ALS2CL: variants seen among roughly 807,000 people sequenced by gnomAD.
ALS2CL encodes ALS2 C-terminal like, also known as ALS2 C-terminal-like protein.
In ALS2CL, 112 loss-of-function variants were observed where a neutral mutation model predicts 127.9. The ratio of observed to expected loss-of-function variants is 0.88; its 90% CI spans 0.75 to 1.02. ALS2CL has a LOEUF of 1.02. Among genes scored for constraint, ALS2CL ranks in the 50% least tolerant of loss-of-function variants. ALS2CL has a pLI of 0.00. For missense variants in ALS2CL, 1,174 were observed against 1,236.7 expected (o/e 0.95, Z 0.76); for synonymous variants, 519 against 527.6 (o/e 0.98, Z 0.22).
In ALS2CL at chr3:46,671,992, C is replaced by T; in HGVS notation, c.2576G>A (p.Arg859Lys). The change falls in exon 24 of 26, where the codon AGG (arginine) becomes AAG (lysine). Residue 859 changes from arginine to lysine, a missense_variant. Coordinates refer to ENST00000318962, the MANE Select transcript of ALS2CL (RefSeq NM_147129.5). ...CGTGCCCTCAATTTCCCCGTATGTCCTCTCCAGCACCTCCAGCTTCTCCCG... is the reference window on the plus strand; with the variant it reads ...CGTGCCCTCAATTTCCCCGTATGTCTTCTCCAGCACCTCCAGCTTCTCCCG... ...DPREKLEVLERTYGEIEGTVS... is the reference protein window; with the variant it reads ...DPREKLEVLEKTYGEIEGTVS... The T allele has an allele frequency of 6.2e-7, 1 of 1,614,078 alleles. No homozygotes were observed. The highest frequency in any genetic ancestry group is 8.5e-7 in the Non-Finnish European group (1 of 1,180,032).
In ALS2CL at chr3:46,684,161, C is replaced by A; in HGVS notation, c.787-114G>T. Reference sequence around the variant, plus strand: ...GTGTGGCCACCAAGGCTATTCTGCCCAGCATGTCCAGGACTGAGTCCCTCT... The same window carrying A: ...GTGTGGCCACCAAGGCTATTCTGCCAAGCATGTCCAGGACTGAGTCCCTCT... On this transcript the variant is annotated intron_variant, in intron 7 of 25. Coordinates refer to ENST00000318962, the MANE Select transcript of ALS2CL (RefSeq NM_147129.5). 3.3e-6 allele frequency: 4 copies of A among 1,229,518 alleles called. No individual in the cohort carries two copies. The South Asian group carries it at 5.2e-5, about 16-fold the overall frequency. The allele number at this position is 1,229,518 out of a possible 1,614,324, so 76.2% of individuals were successfully genotyped here.
intron 19 of ALS2CL, 131 bp from the exon 20 acceptor site, chr3:46,675,817 C>A: frequency 1.3e-6 from 2 of 1,511,542 alleles, no homozygotes; most frequent in Non-Finnish European, 1.8e-6. Context: ...TTCATCCTCT[C>A]AAACCACAGA....
intron 1 of ALS2CL, among the ~76,000 whole-genome samples, chr3:46,690,547 G>C (rs540961959): frequency 2.0e-5 from 3 of 152,286 alleles, no homozygotes; most frequent in South Asian, 4.1e-4. Context: ...CAGGCTACAG[G>C]CTCTACTCCA....
chr3:46,687,550 T>C, intron 4 of ALS2CL, 69 bp downstream of exon 4: 2 of 1,557,408 alleles, frequency 1.3e-6, no homozygotes, highest in Non-Finnish European at 1.8e-6. Context: ...GGGAGGGGGC[T>C]TCCCCGACCC....
chr3:46,679,355 G>A, intron 14 of ALS2CL, 68 bp from the exon 15 acceptor site: 16 of 1,354,780 alleles, frequency 1.2e-5, no homozygotes, highest in South Asian at 2.5e-5. Context: ...TCAGGGTGGA[G>A]AGAGATGGCC....
rs553185666 is a variant in ALS2CL at position 46,679,338 on chromosome 3, A to G, written c.1549-51T>C. Reference sequence around the variant, plus strand: ...TAGAAAGGGTGGGTGAGGAAGGGCCAGGAAACTCAGGGTGGAGAGAGATGG... The same window carrying G: ...TAGAAAGGGTGGGTGAGGAAGGGCCGGGAAACTCAGGGTGGAGAGAGATGG... On this transcript the variant is annotated intron_variant, in intron 14 of 25. Transcript: ENST00000318962. 1.7e-5 allele frequency: 25 copies of G among 1,456,960 alleles called. No homozygotes were observed. The African/African-American group carries it at 3.4e-4, about 20-fold the overall frequency. 90.3% of individuals were successfully genotyped at this position (1,456,960 alleles called of 1,614,324 possible).
Position 46,683,863 on chromosome 3 carries a change from G to A in ALS2CL, c.846-15C>T, listed in dbSNP as rs1245240122. The A allele has an allele frequency of 6.2e-7, 1 of 1,614,156 alleles. No homozygotes were observed. The highest frequency in any genetic ancestry group is 1.7e-5 in the Admixed American group (1 of 60,028). ...GAAACGTGCACCTAGACAGACGGAGGTGATGAGTAGGCCCCAGCTTTGTCC... is the reference window on the plus strand; with the variant it reads ...GAAACGTGCACCTAGACAGACGGAGATGATGAGTAGGCCCCAGCTTTGTCC... On this transcript the variant is annotated splice_polypyrimidine_tract_variant and intron_variant, in intron 8 of 25. Coordinates refer to ENST00000318962, the MANE Select transcript of ALS2CL (RefSeq NM_147129.5).
intron 14 of ALS2CL, chr3:46,679,826 C>T (rs1490366888): frequency 6.4e-6 from 1 of 155,422 alleles, no homozygotes; most frequent in African/African-American, 2.4e-5. Flanking sequence ...ACCATAATAA[C>T]AGGAACAGCC....
In ALS2CL at chr3:46,688,156, C is replaced by T; in HGVS notation, c.244G>A (p.Gly82Ser). Residue 82 changes from glycine to serine, a missense_variant, in exon 3 of 26, where the codon GGT becomes AGT. By Grantham distance (56) the Gly-to-Ser change is moderately conservative. Coordinates refer to ENST00000318962, the MANE Select transcript of ALS2CL (RefSeq NM_147129.5). ...QERLRYPDST[G>S]LESLLLLRGA... ...CGCAGCAGCAGCAGGGACTCCAGAC[C>T]GGTGGAGTCCGGGTAACGCAGCCTC... is the stretch of plus-strand genomic sequence containing the variant. The T allele has an allele frequency of 3.7e-6, 6 of 1,613,082 alleles. No homozygotes were observed. Among genetic ancestry groups the T allele is most frequent in the South Asian group, 1.1e-5 (1 of 91,080 alleles).
intron 22 of ALS2CL, among the ~76,000 whole-genome samples, chr3:46,672,519 C>T (rs1240475789): frequency 6.6e-6 from 1 of 152,204 alleles, no homozygotes; most frequent in East Asian, 1.9e-4. Flanking sequence ...TTCTCAAACC[C>T]AAGGGCTTAG....
chr3:46,674,396 C>G (rs1463095154), intron 21 of ALS2CL, among the ~76,000 whole-genome samples, 170 bp downstream of exon 21: 1 of 152,184 alleles, frequency 6.6e-6, no homozygotes, highest in Non-Finnish European at 1.5e-5. Context: ...ATGGAAGGTG[C>G]TTCCCTCTGT....
Position 46,676,636 on chromosome 3 carries a change from T to C in ALS2CL, c.2028+6A>G, listed in dbSNP as rs748339464. 5.0e-5 allele frequency: 81 copies of C among 1,611,520 alleles called. No homozygotes were observed. The South Asian group carries it at 8.6e-4, about 17-fold the overall frequency. On this transcript the variant is annotated splice_donor_region_variant and intron_variant, in intron 18 of 25. Transcript: ENST00000318962. ...ACCCCCTTGGCCACCCCAGCAGGGCTCTCACCTTCCTGAGGTACAGCTGCA... is the reference window on the plus strand; with the variant it reads ...ACCCCCTTGGCCACCCCAGCAGGGCCCTCACCTTCCTGAGGTACAGCTGCA...
At chr3:46,671,694 G>A (rs2106679928) in intron 24 of ALS2CL, 110 bp from the exon 25 acceptor site, 2 of 1,573,418 alleles carry the variant, frequency 1.3e-6, no homozygotes, top group East Asian at 2.3e-5. Context: ...CACCTGGGGT[G>A]TGGTCCTCAC....
rs776992750 is a variant in ALS2CL, at chr3:46,671,519, C to T, written c.2750G>A (p.Gly917Asp). ...RDMMDPNHTG[G>D]LYDFLLTALE... is the part of the protein sequence containing the mutation. ...GGCTGTGAGCAGGAAGTCATACAGG[C>T]CTCCTGTGTGGTTGGGGTCCATCAT... The change falls in exon 25 of 26, where the codon GGC becomes GAC. Residue 917 changes from glycine (G) to aspartate (D), a missense_variant. Coordinates refer to ENST00000318962, the MANE Select transcript of ALS2CL (RefSeq NM_147129.5). 3 of 1,614,056 alleles carry T rather than the reference C, an allele frequency of 1.9e-6. No individual in the cohort carries two copies. Among genetic ancestry groups the T allele is most frequent in the Non-Finnish European group, 2.5e-6 (3 of 1,179,988 alleles).
At position 46,671,500 on chromosome 3, in the gene ALS2CL, G is replaced by A; in HGVS notation, c.2769C>T (p.Leu923=). The part of the protein sequence containing the change: ...NHTGGLYDFL[L]TALESCYEHI... The stretch of plus-strand genomic sequence containing the variant: ...CCCTGTCCCTTACCTCCAGGGCTGT[G>A]AGCAGGAAGTCATACAGGCCTCCTG... The change falls in exon 25 of 26, where the codon CTC becomes CTT. Residue 923 remains leucine, a synonymous_variant. Transcript: ENST00000318962. 8 of 1,614,038 alleles carry A rather than the reference G, an allele frequency of 5.0e-6. No individual in the cohort carries two copies. The highest frequency in any genetic ancestry group is 1.3e-5 in the African/African-American group (1 of 75,024).
At chr3:46,678,606 C>A (rs1389087795) in intron 15 of ALS2CL, among the ~76,000 whole-genome samples, 1 of 152,124 alleles carries the variant, frequency 6.6e-6, no homozygotes, top group Non-Finnish European at 1.5e-5. Flanking sequence ...CTCAGGGGCT[C>A]GCTCACCTCT....
At chr3:46,675,751 A>G (rs1698765908) in intron 19 of ALS2CL, 65 bp from the exon 20 acceptor site, 1 of 1,608,056 alleles carries the variant, frequency 6.2e-7, no homozygotes, top group African/African-American at 1.3e-5. Context: ...TTCTACCACC[A>G]GTCAACAAAG....
In ALS2CL at chr3:46,683,185, G is replaced by C. The variant is rs140783506; in HGVS notation, c.1054C>G (p.Arg352Gly). The change falls in exon 10 of 26, where the codon CGG becomes GGG. Residue 352 changes from arginine (R) to glycine (G), a missense_variant. Transcript: ENST00000318962. ...CCCTCGTAGGTGGCCTGGCAGAGCC[G>C]GCCCTCTGCCTGGAAGGTATATTCT... ...CAEYTFQAEG[R>G]LCQATYEGEW... The C allele has an allele frequency of 3.7e-6, 6 of 1,604,684 alleles. No homozygotes were observed. In the African/African-American group the frequency reaches 8.0e-5, roughly 22 times the overall value.
chr3:46,685,878 A>C (rs755915496), intron 6 of ALS2CL, among the ~76,000 whole-genome samples: 5 of 152,100 alleles, frequency 3.3e-5, no homozygotes, highest in Non-Finnish European at 5.9e-5. Flanking sequence ...CCATGCCCCT[A>C]TCAGTCCTCT....
Sources: gnomAD v4.1 joint callset for allele counts (sites outside exome capture counted in the v4.1 genomes callset) on GRCh38, gnomAD v4.1.1 for gene constraint, MANE v1.5 for transcripts, NCBI Gene and HGNC (gene_info 2026-07-23, HGNC 2026-07-21) for gene names.